SDK1: variants seen among roughly 807,000 people sequenced by gnomAD.
SDK1 encodes the protein sidekick cell adhesion molecule 1, also known as protein sidekick-1.
SDK1 carries 157 observed loss-of-function variants against 245.5 expected under a neutral mutation model. The observed-to-expected ratio is 0.64, with a 90% confidence interval of 0.56 to 0.73. The LOEUF (loss-of-function observed/expected upper bound fraction) is 0.73. SDK1 is among the 30% of genes least tolerant of loss of function. The pLI is 0.00. For synonymous variants in SDK1, 1,647 were observed against 1,278.5 expected, an observed-to-expected ratio of 1.29 and a Z score of -6.15; for missense variants, 3,583 against 3,002.3, an observed-to-expected ratio of 1.19 and a Z score of -4.52.
intron 1 of SDK1, among the ~76,000 whole-genome samples, chr7:3,430,419 G>T (rs1269101678): frequency 6.6e-6 from 1 of 152,118 alleles, no homozygotes; most frequent in Non-Finnish European, 1.5e-5. Flanking sequence ...AAGGGACCAT[G>T]GACTGGAACT....
intron 4 of SDK1, among the ~76,000 whole-genome samples, chr7:3,768,023 G>A (rs916560623): frequency 6.6e-6 from 1 of 152,134 alleles, no homozygotes. Flanking sequence ...CACACATGTG[G>A]AAAGCAGCAG....
chr7:4,130,998 G>A lies in SDK1; in HGVS notation c.4129+901G>A, dbSNP rs542852320. Among the ~76,000 whole-genome samples, 21 of 152,194 alleles carry A rather than the reference G, an allele frequency of 1.4e-4. No individual in the cohort carries two copies. In the South Asian group the frequency reaches 2.9e-3, roughly 21 times the overall value. On this transcript the variant is annotated intron_variant, in intron 27 of 44. Transcript: ENST00000404826. ...GAGTGCCACCCCTGATCCTCGCCTC[G>A]CCTCACGGAGAGACGGGAACCCTGC... is the stretch of plus-strand genomic sequence containing the variant.
Position 4,265,336 on chromosome 7 carries a change from T to C in SDK1, c.6594T>C (p.Ala2198=), listed in dbSNP as rs775199652. ...GCGCGGGCGGCGTCTACACCCCCGC[T>C]GGCCCCGGCGCGCGAACTCCGCTCA... ...TQSAGGVYTP[A]GPGARTPLTG... The change falls in exon 45 of 45, where the codon GCT becomes GCC. Residue 2198 remains alanine (A), a synonymous_variant. Transcript: ENST00000404826. 1 of 1,476,808 alleles carries C rather than the reference T, an allele frequency of 6.8e-7. No homozygotes were observed. The highest frequency in any genetic ancestry group is 2.5e-5 in the East Asian group (1 of 39,820). The allele number at this position is 1,476,808 out of a possible 1,614,324, so 91.5% of individuals were successfully genotyped here.
Position 3,646,070 on chromosome 7 carries a change from G to T in SDK1, c.713+3965G>T, listed in dbSNP as rs185784857. Among the ~76,000 whole-genome samples the T allele has an allele frequency of 1.6e-3, 245 of 152,180 alleles. 2 individuals carry two copies. Among genetic ancestry groups the T allele is most frequent in the African/African-American group, 5.8e-3 (241 of 41,530 alleles). Reference sequence around the variant, plus strand: ...GATGGGGTTTCACCATGCTGGCCAGGCTGGTCTCGAACTCCTGACCTTGTG... The same window carrying T: ...GATGGGGTTTCACCATGCTGGCCAGTCTGGTCTCGAACTCCTGACCTTGTG... On this transcript the variant is annotated intron_variant, in intron 4 of 44. Coordinates refer to ENST00000404826, the MANE Select transcript of SDK1 (RefSeq NM_152744.4).
At chr7:4,137,073 C>G (rs1457117158) in intron 28 of SDK1, among the ~76,000 whole-genome samples, 1 of 152,240 alleles carries the variant, frequency 6.6e-6, no homozygotes, top group Non-Finnish European at 1.5e-5. Flanking sequence ...CCCAGTGATG[C>G]TCACTGAACA....
chr7:3,972,018 C>T (rs530917566), intron 12 of SDK1, among the ~76,000 whole-genome samples: 1 of 151,430 alleles, frequency 6.6e-6, no homozygotes, highest in Non-Finnish European at 1.5e-5. Flanking sequence ...AAGTCACCCA[C>T]AGCCCCCAGT....
At chr7:3,455,126 G>T (rs1348838869) in intron 1 of SDK1, among the ~76,000 whole-genome samples, 1 of 151,008 alleles carries the variant, frequency 6.6e-6, no homozygotes, top group Non-Finnish European at 1.5e-5. Flanking sequence ...TGTCCATTTT[G>T]TAATTGGATT....
In SDK1 at chr7:4,125,489, T is replaced by TGATGGATG. The variant is rs138042822; in HGVS notation, c.3824-1873_3824-1866dup. 3.8e-3 allele frequency among the ~76,000 whole-genome samples: 562 copies of TGATGGATG among 146,534 alleles called. 5 individuals carry two copies. Among genetic ancestry groups the TGATGGATG allele is most frequent in the Admixed American group, 0.012 (177 of 14,870 alleles). On this transcript the variant is annotated intron_variant, in intron 25 of 44. Coordinates refer to ENST00000404826, the MANE Select transcript of SDK1 (RefSeq NM_152744.4). Reference sequence around the variant, plus strand: ...TGGATGGATCACTGGATGGATTGATTGATGGATGGATGGATGGATGGATGG... The same window carrying TGATGGATG: ...TGGATGGATCACTGGATGGATTGATTGATGGATGGATGGATGGATGGATGGATGGATGG...
chr7:3,684,367 A>G (rs1275423473), intron 4 of SDK1, among the ~76,000 whole-genome samples: 2 of 152,166 alleles, frequency 1.3e-5, no homozygotes, highest in African/African-American at 4.8e-5. Context: ...GGTGGTTGTA[A>G]AGTGCATACT....
intron 13 of SDK1, among the ~76,000 whole-genome samples, chr7:3,980,527 C>T (rs1409396473): frequency 2.0e-5 from 3 of 152,154 alleles, no homozygotes; most frequent in Admixed American, 1.3e-4. Context: ...CGCAATCTAT[C>T]CCCATTAGAT....
At chr7:3,934,765 T>C (rs1208381898) in intron 5 of SDK1, among the ~76,000 whole-genome samples, 1 of 152,206 alleles carries the variant, frequency 6.6e-6, no homozygotes, top group Admixed American at 6.5e-5. Flanking sequence ...GTAGAGCCTG[T>C]GAGCTCAACA....
At chr7:3,640,254 A>T (rs1782608788) in intron 3 of SDK1, among the ~76,000 whole-genome samples, 1 of 152,252 alleles carries the variant, frequency 6.6e-6, no homozygotes, top group Non-Finnish European at 1.5e-5. Context: ...ATATCATTAT[A>T]AACTTTAGAG....
intron 42 of SDK1, among the ~76,000 whole-genome samples, chr7:4,241,056 T>G (rs1786486735): frequency 6.6e-6 from 1 of 152,246 alleles, no homozygotes; most frequent in South Asian, 2.1e-4. Flanking sequence ...CAGAACTTTA[T>G]TTTTATTCAT....
At chr7:3,796,515 CCT>C (rs755199672) in intron 4 of SDK1, among the ~76,000 whole-genome samples, 58 of 151,824 alleles carry the variant, frequency 3.8e-4, no homozygotes, top group African/African-American at 9.2e-4. Flanking sequence ...CAGTAATGCC[CCT>C]CTCCCCCCCA....
intron 4 of SDK1, among the ~76,000 whole-genome samples, chr7:3,704,967 T>G (rs1295757197): frequency 1.3e-5 from 2 of 152,216 alleles, no homozygotes; most frequent in Non-Finnish European, 2.9e-5. Flanking sequence ...ATTTATGTTT[T>G]TGCGTGCTTT....
intron 1 of SDK1, among the ~76,000 whole-genome samples, chr7:3,472,865 G>A (rs1372171698): frequency 6.6e-6 from 1 of 152,120 alleles, no homozygotes; most frequent in Non-Finnish European, 1.5e-5. Flanking sequence ...TGAGAACATG[G>A]GGTAACAGTC....
intron 5 of SDK1, among the ~76,000 whole-genome samples, chr7:3,869,715 C>G (rs946253739): frequency 6.6e-6 from 1 of 152,198 alleles, no homozygotes; most frequent in Non-Finnish European, 1.5e-5. Context: ...TGAGATCTCA[C>G]CTGACATTGA....
At chr7:3,476,625 G>A (rs4722850) in intron 1 of SDK1, among the ~76,000 whole-genome samples, 83,100 of 152,010 alleles carry the variant, frequency 0.55, 23,472 homozygotes, top group South Asian at 0.74. Context: ...TGTTAATGGT[G>A]GATTTATTTT....
At chr7:3,798,087 A>G (rs1046226647) in intron 4 of SDK1, among the ~76,000 whole-genome samples, 2 of 151,380 alleles carry the variant, frequency 1.3e-5, no homozygotes, top group South Asian at 2.1e-4. Context: ...CCTTTTTCCC[A>G]GTTTTTTTTC....
Sources: gnomAD v4.1 joint callset for allele counts (sites outside exome capture counted in the v4.1 genomes callset) on GRCh38, gnomAD v4.1.1 for gene constraint, MANE v1.5 for transcripts, NCBI Gene and HGNC (gene_info 2026-07-23, HGNC 2026-07-21) for gene names.